PTPRM: variants seen among roughly 807,000 people sequenced by gnomAD.
The protein encoded by PTPRM is protein tyrosine phosphatase receptor type M, also known as receptor-type tyrosine-protein phosphatase mu.
A neutral mutation model predicts 186.7 loss-of-function variants in PTPRM; 47 were observed. That is an observed-to-expected ratio of 0.25 (90% CI 0.20 to 0.32). The LOEUF is 0.32. Ranked by LOEUF, PTPRM falls within the 10% of genes least tolerant of loss-of-function variation. PTPRM has a pLI of 1.00. For missense variants in PTPRM, 1,494 were observed against 1,865.0 expected, an observed-to-expected ratio of 0.80 and a Z score of 3.66; for synonymous variants, 668 against 674.9, an observed-to-expected ratio of 0.99 and a Z score of 0.16.
chr18:8,044,942 T>G (rs990541743), intron 7 of PTPRM, among the ~76,000 whole-genome samples: 1 of 152,122 alleles, frequency 6.6e-6, no homozygotes, highest in Non-Finnish European at 1.5e-5. Flanking sequence ...CATAAAACAG[T>G]CTGACAGTTC....
At chr18:8,158,906 A>G (rs2093175313) in intron 14 of PTPRM, among the ~76,000 whole-genome samples, 1 of 152,216 alleles carries the variant, frequency 6.6e-6, no homozygotes, top group South Asian at 2.1e-4. Context: ...AAACCATTCA[A>G]AAGGGATCCA....
At chr18:7,960,512 T>C (rs964663918) in intron 7 of PTPRM, among the ~76,000 whole-genome samples, 1 of 146,334 alleles carries the variant, frequency 6.8e-6, no homozygotes, top group African/African-American at 2.6e-5. Context: ...CACACACGTG[T>C]GGCCAAGGCA....
At chr18:8,289,563 C>T (rs55824747) in intron 19 of PTPRM, among the ~76,000 whole-genome samples, 47,629 of 106,076 alleles carry the variant, frequency 0.45, 11,369 homozygotes, top group Middle Eastern at 0.58. Flanking sequence ...TATATATACA[C>T]ATATATATAT....
chr18:7,657,078 T>G (rs7235636), intron 1 of PTPRM, among the ~76,000 whole-genome samples: 149,943 of 152,286 alleles, frequency 0.98, 73,821 homozygotes, highest in Middle Eastern at 1. Flanking sequence ...ATTCTCAGTT[T>G]AACAAAAGAT....
chr18:7,864,686 T>C (rs542113977), intron 2 of PTPRM, among the ~76,000 whole-genome samples: 1 of 152,314 alleles, frequency 6.6e-6, no homozygotes, highest in South Asian at 2.1e-4. Context: ...GCAGGCTCTT[T>C]TTTGGTTCCA....
At chr18:7,886,568 A>G (rs992725219) in intron 2 of PTPRM, among the ~76,000 whole-genome samples, 4 of 152,120 alleles carry the variant, frequency 2.6e-5, no homozygotes, top group Admixed American at 6.5e-5. Flanking sequence ...TATTTTTTTC[A>G]TATGTGTTCA....
At chr18:8,268,132 T>G (rs1408566508) in intron 19 of PTPRM, among the ~76,000 whole-genome samples, 1 of 152,174 alleles carries the variant, frequency 6.6e-6, no homozygotes, top group Non-Finnish European at 1.5e-5. Flanking sequence ...TGTATAGTTT[T>G]GTTTGAAATT....
At chr18:8,343,666 G>T in intron 23 of PTPRM, 146 bp downstream of exon 23, 1 of 617,958 alleles carries the variant, frequency 1.6e-6, no homozygotes. Flanking sequence ...TGCTGCACTT[G>T]CTTATAAATT....
At chr18:8,311,384 C>T (rs1006847071) in intron 20 of PTPRM, among the ~76,000 whole-genome samples, 1 of 152,002 alleles carries the variant, frequency 6.6e-6, no homozygotes, top group African/African-American at 2.4e-5. Context: ...CCTGGACCAC[C>T]ACCCATTCAT....
chr18:7,752,577 C>T (rs1378129853), intron 1 of PTPRM, among the ~76,000 whole-genome samples: 1 of 151,956 alleles, frequency 6.6e-6, no homozygotes, highest in Non-Finnish European at 1.5e-5. Context: ...GTGCATGCCA[C>T]CATGCCTGGC....
intron 2 of PTPRM, among the ~76,000 whole-genome samples, chr18:7,780,923 G>A (rs898596075): frequency 6.6e-6 from 1 of 152,110 alleles, no homozygotes; most frequent in African/African-American, 2.4e-5. Flanking sequence ...GCTGGAGCTA[G>A]GGGTGGGAGT....
At chr18:7,616,666 TCTC>T (rs1027947687) in intron 1 of PTPRM, among the ~76,000 whole-genome samples, 5 of 152,132 alleles carry the variant, frequency 3.3e-5, no homozygotes, top group African/African-American at 1.2e-4. Context: ...TTCCTCTTTG[TCTC>T]CCATCCCTGG....
intron 14 of PTPRM, among the ~76,000 whole-genome samples, chr18:8,180,213 G>A (rs780588774): frequency 6.6e-6 from 1 of 152,186 alleles, no homozygotes; most frequent in Non-Finnish European, 1.5e-5. Context: ...ACTGGGGAAT[G>A]TATCAGAGTC....
At chr18:7,939,544 A>T (rs2052036691) in intron 5 of PTPRM, among the ~76,000 whole-genome samples, 1 of 152,244 alleles carries the variant, frequency 6.6e-6, no homozygotes, top group Non-Finnish European at 1.5e-5. Context: ...GCTCAAATTG[A>T]AATACATGCA....
At chr18:7,970,643 C>A (rs1385555294) in intron 7 of PTPRM, among the ~76,000 whole-genome samples, 1 of 95,360 alleles carries the variant, frequency 1.0e-5, no homozygotes, top group Non-Finnish European at 2.0e-5. Flanking sequence ...ACAAAAATCA[C>A]AATCATTCTT....
chr18:7,763,064 A>G (rs1429075063), intron 1 of PTPRM, among the ~76,000 whole-genome samples: 1 of 152,194 alleles, frequency 6.6e-6, no homozygotes, highest in Admixed American at 6.5e-5. Context: ...CAAAATCCTT[A>G]AGGAACCTTT....
At chr18:7,947,455 A>G (rs1000321685) in intron 5 of PTPRM, among the ~76,000 whole-genome samples, 2 of 150,728 alleles carry the variant, frequency 1.3e-5, no homozygotes, top group South Asian at 2.1e-4. Context: ...AGGACTTTGC[A>G]TAGTATAAAT....
In PTPRM at chr18:8,234,403, A is replaced by T. The variant is rs189351777; in HGVS notation, c.2301-9655A>T. On this transcript the variant is annotated intron_variant, in intron 14 of 32. Coordinates refer to ENST00000580170, the MANE Select transcript of PTPRM (RefSeq NM_001105244.2). ...CAGTTGCTCATTGCTGGTATATAGG[A>T]AAGTATTGACTTTTGTATATTAACC... Among the ~76,000 whole-genome samples, 23 of 152,228 alleles carry T rather than the reference A, an allele frequency of 1.5e-4. No homozygotes were observed. The East Asian group carries it at 2.5e-3, about 17-fold the overall frequency.
At chr18:7,868,246 A>T (rs1474397554) in intron 2 of PTPRM, among the ~76,000 whole-genome samples, 1 of 151,970 alleles carries the variant, frequency 6.6e-6, no homozygotes, top group African/African-American at 2.4e-5. Context: ...ACTGGTGAGG[A>T]GTTGTGATCC....
Sources: gnomAD v4.1 joint callset for allele counts (sites outside exome capture counted in the v4.1 genomes callset) on GRCh38, gnomAD v4.1.1 for gene constraint, MANE v1.5 for transcripts, NCBI Gene and HGNC (gene_info 2026-07-23, HGNC 2026-07-21) for gene names.